The following ANK3 variants were observed in gnomAD, a reference collection of about 807,000 sequenced individuals.
The protein encoded by ANK3 is ankyrin-3.
A neutral mutation model predicts 370.9 loss-of-function variants in ANK3; 57 were observed. The ratio of observed to expected loss-of-function variants is 0.15; its 90% CI spans 0.12 to 0.19. The LOEUF is 0.19. Among genes scored for constraint, ANK3 ranks in the 10% least tolerant of loss-of-function variants. The pLI, the probability that ANK3 is intolerant of heterozygous loss-of-function variation, is 1.00. For missense variants in ANK3, 4,439 were observed against 5,302.1 expected, an observed-to-expected ratio of 0.84 and a Z score of 5.06; for synonymous variants, 1,929 against 1,946.3, an observed-to-expected ratio of 0.99 and a Z score of 0.23.
intron 1 of ANK3, among the ~76,000 whole-genome samples, chr10:60,714,870 G>A (rs893528333): frequency 6.6e-6 from 1 of 152,072 alleles, no homozygotes; most frequent in Non-Finnish European, 1.5e-5. Context: ...AGATTTTTAG[G>A]GCAGCGAAAT....
rs117721326 is a variant in ANK3 at position 60,342,771 on chromosome 10, G to A, written c.114+46654C>T. Reference sequence around the variant, plus strand: ...ATCTGGAATCGAGAGATCCTATATGGCAGTGCTTTCCAAAATATTTTCTAC... The same window carrying A: ...ATCTGGAATCGAGAGATCCTATATGACAGTGCTTTCCAAAATATTTTCTAC... On this transcript the variant is annotated intron_variant, in intron 1 of 43. Transcript: ENST00000280772. Among the ~76,000 whole-genome samples, 603 of 152,224 alleles carry A rather than the reference G, an allele frequency of 4.0e-3. 1 individual carries two copies. Among genetic ancestry groups the A allele is most frequent in the Non-Finnish European group, 6.0e-3 (407 of 68,012 alleles).
intron 2 of ANK3, among the ~76,000 whole-genome samples, chr10:60,552,537 T>C (rs2077110966): frequency 6.6e-6 from 1 of 152,242 alleles, no homozygotes; most frequent in Admixed American, 6.5e-5. Context: ...TGCACTTTAG[T>C]GAAGATTTAC....
chr10:60,725,254 C>A (rs2079924940), intron 1 of ANK3, among the ~76,000 whole-genome samples: 2 of 152,144 alleles, frequency 1.3e-5, no homozygotes, highest in South Asian at 2.1e-4. Flanking sequence ...CAGCTACAGA[C>A]AACTCCATGA....
intron 1 of ANK3, among the ~76,000 whole-genome samples, chr10:60,699,167 A>G (rs1405838427): frequency 6.6e-6 from 1 of 151,944 alleles, no homozygotes; most frequent in Non-Finnish European, 1.5e-5. Context: ...GACTACAAAA[A>G]GGGTGCAGTG....
chr10:60,241,689 C>CA lies in ANK3; in HGVS notation c.799-6904dup, dbSNP rs148943116. ...AACTTAACTTTCCCATCAAACTACT[C>CA]AAGGTAATATTTATTCACTCTAAAA... On this transcript the variant is annotated intron_variant, in intron 7 of 43. Coordinates refer to ENST00000280772, the MANE Select transcript of ANK3 (RefSeq NM_020987.5). Among the ~76,000 whole-genome samples, 947 of 152,266 alleles carry CA rather than the reference C, an allele frequency of 6.2e-3. 9 individuals are homozygous for CA. Among genetic ancestry groups the CA allele is most frequent in the African/African-American group, 0.022 (907 of 41,544 alleles).
chr10:60,157,348 T>TC (rs1365488471), intron 23 of ANK3, among the ~76,000 whole-genome samples: 59 of 151,328 alleles, frequency 3.9e-4, no homozygotes, highest in African/African-American at 1.4e-3. Flanking sequence ...TTTTTTTTTT[T>TC]TTTTTAAAGG....
chr10:60,451,555 G>C (rs778339585), intron 2 of ANK3, among the ~76,000 whole-genome samples: 4 of 152,294 alleles, frequency 2.6e-5, no homozygotes, highest in Non-Finnish European at 5.9e-5. Flanking sequence ...TCACGCTAGG[G>C]AGAAGCAAAA....
At position 60,545,620 on chromosome 10, in the gene ANK3, T is replaced by C. The variant is rs1241807141; in HGVS notation, c.96+69566A>G. Among the ~76,000 whole-genome samples the C allele has an allele frequency of 2.6e-5, 4 of 152,162 alleles. No homozygotes were observed. The East Asian group carries it at 5.8e-4, about 22-fold the overall frequency. Reference sequence around the variant, plus strand: ...ATGAATGTGTAAGATTTTCAAGGGATTGAAATACTAGATCTAGTCTAAAAT... The same window carrying C: ...ATGAATGTGTAAGATTTTCAAGGGACTGAAATACTAGATCTAGTCTAAAAT... On this transcript the variant is annotated intron_variant, in intron 2 of 43. Transcript: ENST00000373827.
intron 2 of ANK3, among the ~76,000 whole-genome samples, chr10:60,523,012 T>A (rs1187870146): frequency 1.3e-5 from 2 of 152,036 alleles, no homozygotes; most frequent in African/African-American, 4.8e-5. Flanking sequence ...ATGTTAAAGA[T>A]AATGAAAAGA....
At chr10:60,702,128 G>A (rs903972834) in intron 1 of ANK3, among the ~76,000 whole-genome samples, 6 of 151,832 alleles carry the variant, frequency 4.0e-5, no homozygotes, top group Admixed American at 6.6e-5. Context: ...TAGTCAGGTG[G>A]GGTGGCACAC....
At chr10:60,060,090 A>C in intron 40 of ANK3, 2 of 1,046,288 alleles carry the variant, frequency 1.9e-6, no homozygotes, top group Non-Finnish European at 2.7e-6. Context: ...AAATTATATC[A>C]GGCATGAAAA....
At chr10:60,038,586 TGTATCTGACAAAAGTCTAA>T (rs2075541580) in intron 43 of ANK3, among the ~76,000 whole-genome samples, 1 of 152,118 alleles carries the variant, frequency 6.6e-6, no homozygotes, top group African/African-American at 2.4e-5. Flanking sequence ...TTGCAAACTA[TGTATCTGACAAAAGTCTAA>T]CATCGAGCAT....
chr10:60,616,410 C>T (rs2078268479), intron 1 of ANK3, among the ~76,000 whole-genome samples: 1 of 152,136 alleles, frequency 6.6e-6, no homozygotes, highest in African/African-American at 2.4e-5. Flanking sequence ...GTGTTGTTCT[C>T]TTTCAATACA....
chr10:60,424,173 A>G (rs1473319998), intron 2 of ANK3, among the ~76,000 whole-genome samples: 2 of 152,084 alleles, frequency 1.3e-5, no homozygotes, highest in African/African-American at 4.8e-5. Context: ...GTGACCACAC[A>G]TCCTGGTTTT....
rs2040042074 is a variant in ANK3, at chr10:60,286,385, TCTTA to T, written c.115-6750_115-6747del. On this transcript the variant is annotated intron_variant, in intron 1 of 43. Transcript: ENST00000280772. ...GTCTTTTTTTGTCTAATGTTGTGTT[TCTTA>T]GAGTCATCCATGTTGACATGTAACA... Among the ~76,000 whole-genome samples the T allele has an allele frequency of 2.0e-5, 3 of 152,182 alleles. No individual in the cohort carries two copies. In the South Asian group the frequency reaches 6.2e-4, roughly 32 times the overall value.
upstream of ANK3, among the ~76,000 whole-genome samples, chr10:60,393,714 A>G (rs563171732): frequency 4.6e-4 from 70 of 152,316 alleles, 1 homozygote; most frequent in African/African-American, 1.6e-3. Flanking sequence ...TAATAACTTG[A>G]CTACTCTCTC....
intron 1 of ANK3, among the ~76,000 whole-genome samples, chr10:60,724,447 C>T (rs1373382743): frequency 2.0e-5 from 3 of 151,934 alleles, no homozygotes; most frequent in African/African-American, 7.3e-5. Flanking sequence ...ATTTACATAT[C>T]GATATCCTTT....
At chr10:60,401,229 G>A in intron 2 of ANK3, among the ~76,000 whole-genome samples, 1 of 152,160 alleles carries the variant, frequency 6.6e-6, no homozygotes, top group Middle Eastern at 3.2e-3. Flanking sequence ...GCTGCGGAGA[G>A]TGGGAAATGG....
intron 2 of ANK3, among the ~76,000 whole-genome samples, chr10:60,430,939 G>A (rs752886884): frequency 1.3e-5 from 2 of 152,176 alleles, no homozygotes; most frequent in Non-Finnish European, 2.9e-5. Flanking sequence ...TTATAAGTTT[G>A]TTTTGAGGAT....
Sources: allele counts gnomAD v4.1 joint callset (sites outside exome capture counted in the v4.1 genomes callset), GRCh38; gene constraint gnomAD v4.1.1; transcripts MANE v1.5; gene names NCBI Gene and HGNC (gene_info 2026-07-23, HGNC 2026-07-21).